Variants in FCF1 observed in about 807,000 individuals in gnomAD.
FCF1 encodes FCF1 rRNA-processing protein.
Under a neutral mutation model 32.5 loss-of-function variants are expected in FCF1, and 17 were observed. The ratio of observed to expected loss-of-function variants is 0.52; its 90% CI spans 0.36 to 0.78. FCF1 has a LOEUF of 0.78. FCF1 is among the 30% of genes least tolerant of loss of function. The pLI is 0.00. For missense variants in FCF1, 201 were observed against 241.1 expected (o/e 0.83, Z 1.10); for synonymous variants, 84 against 78.4 (o/e 1.07, Z -0.38).
chr14:74,714,361 T>G lies in FCF1; in HGVS notation c.72-511T>G, dbSNP rs180788880. Among the ~76,000 whole-genome samples the G allele has an allele frequency of 1.8e-4, 27 of 152,334 alleles. 1 individual carries two copies. The highest frequency in any genetic ancestry group is 1.6e-3 in the Admixed American group (24 of 15,302). Reference sequence around the variant, plus strand: ...ACCTTCAGAATTATTATTCTCAGCCTTTAGTGTGGATGTATTGTGTAATTT... The same window carrying G: ...ACCTTCAGAATTATTATTCTCAGCCGTTAGTGTGGATGTATTGTGTAATTT... On this transcript the variant is annotated intron_variant, in intron 2 of 7. Transcript: ENST00000341162.
chr14:74,720,680 C>G (rs1432702881), intron 4 of FCF1, among the ~76,000 whole-genome samples: 1 of 152,032 alleles, frequency 6.6e-6, no homozygotes, highest in African/African-American at 2.4e-5. Context: ...CAAGGTCTTG[C>G]TATGTCATCC....
chr14:74,713,422 G>A, intron 1 of FCF1, 63 bp from the exon 2 acceptor site: 1 of 1,569,626 alleles, frequency 6.4e-7, no homozygotes, highest in East Asian at 2.3e-5. Context: ...CAAGAGAAAA[G>A]AAGAGACTTT....
chr14:74,724,088 A>G (rs921088898), intron 5 of FCF1, among the ~76,000 whole-genome samples: 19 of 152,180 alleles, frequency 1.2e-4, no homozygotes, highest in Non-Finnish European at 2.2e-4. Flanking sequence ...CCATGAAGCA[A>G]TGGGAATTCT....
Position 74,719,295 on chromosome 14 carries a change from T to TA in FCF1, c.292+3210dup, listed in dbSNP as rs1199789675. 6.8e-3 allele frequency among the ~76,000 whole-genome samples: 964 copies of TA among 141,746 alleles called. 7 individuals carry two copies. Among genetic ancestry groups the TA allele is most frequent in the South Asian group, 0.029 (132 of 4,544 alleles). 93.0% of individuals were successfully genotyped at this position (141,746 alleles called of 152,430 possible). ...AGGCAACAGAGCAAGACCCTGTCTTTAAAAAAAAAAAAAAGAAGAAGAAGA... is the reference window on the plus strand; with the variant it reads ...AGGCAACAGAGCAAGACCCTGTCTTTAAAAAAAAAAAAAAAGAAGAAGAAGA... On this transcript the variant is annotated intron_variant, in intron 4 of 7. Coordinates refer to ENST00000341162, the MANE Select transcript of FCF1 (RefSeq NM_015962.5).
intron 5 of FCF1, among the ~76,000 whole-genome samples, chr14:74,728,278 A>T (rs999658127): frequency 6.6e-6 from 1 of 151,962 alleles, no homozygotes; most frequent in Admixed American, 6.6e-5. Context: ...CTTTTATTTC[A>T]TTGAGCAGTG....
Position 74,732,757 on chromosome 14 carries a change from G to T in FCF1, c.392G>T (p.Arg131Leu), listed in dbSNP as rs148396269. 1 of 1,612,394 alleles carries T rather than the reference G, an allele frequency of 6.2e-7. No homozygotes were observed. Among genetic ancestry groups the T allele is most frequent in the African/African-American group, 1.3e-5 (1 of 74,782 alleles). ...LRIAKDPRFERLPCTHKGTYA... is the reference protein window; with the variant it reads ...LRIAKDPRFELLPCTHKGTYA... ...ATTGCCAAGGATCCAAGATTTGAAC[G>T]ATTACCATGTACACACAAAGGAACC... Residue 131 changes from arginine (R) to leucine (L), a missense_variant, in exon 6 of 8, where the codon CGA (arginine) becomes CTA (leucine). Transcript: ENST00000341162.
intron 4 of FCF1, among the ~76,000 whole-genome samples, chr14:74,717,405 G>A (rs1477724008): frequency 6.6e-6 from 1 of 152,030 alleles, no homozygotes; most frequent in Non-Finnish European, 1.5e-5. Flanking sequence ...TTATTAAGAT[G>A]TGAAGGTAGC....
intron 2 of FCF1, 169 bp downstream of exon 2, chr14:74,713,721 C>G: frequency 1.6e-6 from 1 of 636,472 alleles, no homozygotes; most frequent in Non-Finnish European, 2.8e-6. Context: ...TGAGCGATCA[C>G]ACTGGGAAAG....
rs1283116137 is a variant in FCF1, at chr14:74,738,607, C to T, written c.*3677C>T. ...ACAAGATCCACTAAAATAAAAATTGCAGATATCCTGTGAGCCCAATTCTAT... is the reference window on the plus strand; with the variant it reads ...ACAAGATCCACTAAAATAAAAATTGTAGATATCCTGTGAGCCCAATTCTAT... On this transcript the variant is annotated 3_prime_UTR_variant, in exon 8 of 8. Transcript: ENST00000341162. The T allele has an allele frequency of 6.6e-6, 1 of 152,112 alleles. No individual in the cohort carries two copies. The highest frequency in any genetic ancestry group is 1.5e-5 in the Non-Finnish European group (1 of 68,026). The allele number at this position is 152,112 out of a possible 1,614,324, so 9.4% of individuals were successfully genotyped here.
chr14:74,718,939 G>A (rs1029545793), intron 4 of FCF1, among the ~76,000 whole-genome samples: 2 of 151,612 alleles, frequency 1.3e-5, no homozygotes, highest in African/African-American at 4.8e-5. Context: ...AGATCAGCCC[G>A]GCCAACATGG....
At chr14:74,714,989 C>G in intron 3 of FCF1, 46 bp downstream of exon 3, 1 of 1,538,030 alleles carries the variant, frequency 6.5e-7, no homozygotes, top group Non-Finnish European at 8.7e-7. Flanking sequence ...CCATAGACCT[C>G]TTAGAAATCC....
chr14:74,737,688 T>C lies in FCF1; in HGVS notation c.*2758T>C, dbSNP rs1181324465. The C allele has an allele frequency of 6.6e-6, 1 of 151,956 alleles. No homozygotes were observed. Among genetic ancestry groups the C allele is most frequent in the Non-Finnish European group, 1.5e-5 (1 of 67,974 alleles). The allele number at this position is 151,956 out of a possible 1,614,324, so 9.4% of individuals were successfully genotyped here. On this transcript the variant is annotated 3_prime_UTR_variant, in exon 8 of 8. Coordinates refer to ENST00000341162, the MANE Select transcript of FCF1 (RefSeq NM_015962.5). ...CACAATGGCAAGGTGGCTATCCATT[T>C]GAAAAAAAATTAGGCCGGGCGTGGT...
intron 4 of FCF1, among the ~76,000 whole-genome samples, chr14:74,721,573 C>T (rs1280548109): frequency 6.6e-6 from 1 of 151,892 alleles, no homozygotes; most frequent in Non-Finnish European, 1.5e-5. Context: ...TGGTGGAGGG[C>T]GCCTGTAATC....
chr14:74,729,823 A>G lies in FCF1; in HGVS notation c.366-2908A>G, dbSNP rs899254828. Among the ~76,000 whole-genome samples the G allele has an allele frequency of 7.2e-4, 109 of 152,260 alleles. 2 individuals carry two copies. Among genetic ancestry groups the G allele is most frequent in the Non-Finnish European group, 2.8e-4 (19 of 68,024 alleles). On this transcript the variant is annotated intron_variant, in intron 5 of 7. Transcript: ENST00000341162. Reference sequence around the variant, plus strand: ...TTGTGTCTTTGTTCTCGTTGGTTTCAAAGAACATATTTATTTCTGCCTTCA... The same window carrying G: ...TTGTGTCTTTGTTCTCGTTGGTTTCGAAGAACATATTTATTTCTGCCTTCA...
At chr14:74,722,392 G>T (rs2090516808) in intron 4 of FCF1, among the ~76,000 whole-genome samples, 1 of 152,040 alleles carries the variant, frequency 6.6e-6, no homozygotes, top group Middle Eastern at 3.4e-3. Context: ...ACTCTTCTAG[G>T]TGCCACTCTT....
rs542956453 is a variant in FCF1, at chr14:74,725,808, G to A, written c.365+2464G>A. Among the ~76,000 whole-genome samples, 14 of 151,886 alleles carry A rather than the reference G, an allele frequency of 9.2e-5. No homozygotes were observed. In the South Asian group the frequency reaches 1.5e-3, roughly 16 times the overall value. ...AAATTAGCCAAGCGTGGTAGTGGGCGCCTGGTAGTCCCAGCTGCTGGGGAG... is the reference window on the plus strand; with the variant it reads ...AAATTAGCCAAGCGTGGTAGTGGGCACCTGGTAGTCCCAGCTGCTGGGGAG... On this transcript the variant is annotated intron_variant, in intron 5 of 7. Transcript: ENST00000341162.
At chr14:74,723,126 C>T (rs1402342834) in intron 4 of FCF1, 146 bp from the exon 5 acceptor site, 8 of 612,230 alleles carry the variant, frequency 1.3e-5, no homozygotes, top group Non-Finnish European at 2.4e-5. Context: ...TTCTTCTACT[C>T]TAGTTCTTCT....
At chr14:74,730,401 G>A (rs925117020) in intron 5 of FCF1, among the ~76,000 whole-genome samples, 1 of 151,354 alleles carries the variant, frequency 6.6e-6, no homozygotes, top group Non-Finnish European at 1.5e-5. Flanking sequence ...CTTTTGCATG[G>A]CTAATTTTAA....
rs748990018 is a variant in FCF1 at position 74,738,104 on chromosome 14, GT to G, written c.*3177del. 6.7e-6 allele frequency: 1 copy of G among 148,198 alleles called. No homozygotes were observed. The highest frequency in any genetic ancestry group is 1.5e-5 in the Non-Finnish European group (1 of 67,406). 9.2% of individuals were successfully genotyped at this position (148,198 alleles called of 1,614,324 possible). ...CTAAATTTTTTTTTTTTTTGAGACA[GT>G]TTCTCACTCTGTCACCCAGGCTGCA... is the stretch of plus-strand genomic sequence containing the variant. On this transcript the variant is annotated 3_prime_UTR_variant, in exon 8 of 8. Transcript: ENST00000341162.
Sources: gnomAD v4.1 joint callset for allele counts (sites outside exome capture counted in the v4.1 genomes callset) on GRCh38, gnomAD v4.1.1 for gene constraint, MANE v1.5 for transcripts, NCBI Gene and HGNC (gene_info 2026-07-23, HGNC 2026-07-21) for gene names.